EEF2K: variants seen among roughly 807,000 people sequenced by gnomAD.
EEF2K encodes the protein alternative protein EEF2K.
EEF2K carries 70 observed loss-of-function variants against 93.8 expected under a neutral mutation model. The observed-to-expected ratio is 0.75, with a 90% CI of 0.62 to 0.91. The LOEUF (loss-of-function observed/expected upper bound fraction) is 0.91. Among genes scored for constraint, EEF2K ranks in the 40% least tolerant of loss-of-function variants. EEF2K has a pLI of 0.00. For missense variants in EEF2K, 935 were observed against 972.9 expected, an observed-to-expected ratio of 0.96 and a Z score of 0.52; for synonymous variants, 376 against 380.8, an observed-to-expected ratio of 0.99 and a Z score of 0.15.
intron 16 of EEF2K, among the ~76,000 whole-genome samples, chr16:22,275,143 A>G (rs1362527013): frequency 1.3e-5 from 2 of 152,128 alleles, no homozygotes; most frequent in Non-Finnish European, 2.9e-5. Context: ...GAAGCACATC[A>G]TGCATGGGGC....
At chr16:22,224,672 T>A (rs1202830680) in intron 1 of EEF2K, among the ~76,000 whole-genome samples, 1 of 139,152 alleles carries the variant, frequency 7.2e-6, no homozygotes, top group African/African-American at 2.7e-5. Context: ...AAGAAAAAAG[T>A]CCGGATGTGG....
rs1297860507 is a variant in EEF2K, at chr16:22,257,703, T to C, written c.962T>C (p.Met321Thr). 6 of 1,614,042 alleles carry C rather than the reference T, an allele frequency of 3.7e-6. No individual in the cohort carries two copies. Among genetic ancestry groups the C allele is most frequent in the South Asian group, 2.2e-5 (2 of 91,090 alleles). Residue 321 changes from methionine to threonine, a missense_variant, in exon 9 of 18, where the codon ATG becomes ACG. Transcript: ENST00000263026. ...SHACNRICES[M>T]GLAPFDLSPR... is the part of the protein sequence containing the mutation. Reference sequence around the variant, plus strand: ...GCCTGCAACCGGATTTGCGAGAGCATGGGCCTTGCTCCCTTTGACCTCTCG... The same window carrying C: ...GCCTGCAACCGGATTTGCGAGAGCACGGGCCTTGCTCCCTTTGACCTCTCG...
At chr16:22,239,232 T>C (rs2047197565) in intron 2 of EEF2K, among the ~76,000 whole-genome samples, 1 of 152,344 alleles carries the variant, frequency 6.6e-6, no homozygotes, top group South Asian at 2.1e-4. Context: ...CCTCCCTGTT[T>C]TGTGGTTGGT....
intron 2 of EEF2K, among the ~76,000 whole-genome samples, chr16:22,241,831 T>TA (rs1323525060): frequency 5.3e-5 from 8 of 151,724 alleles, no homozygotes; most frequent in East Asian, 3.9e-4. Context: ...TCTGCAGAGG[T>TA]AAAAAAGCCC....
intron 1 of EEF2K, among the ~76,000 whole-genome samples, chr16:22,222,917 A>G (rs2047028639): frequency 6.6e-6 from 1 of 151,974 alleles, no homozygotes; most frequent in African/African-American, 2.4e-5. Flanking sequence ...TGGTATATTC[A>G]TAGTCATATA....
At chr16:22,262,439 G>A (rs2047474930) in intron 11 of EEF2K, among the ~76,000 whole-genome samples, 1 of 152,124 alleles carries the variant, frequency 6.6e-6, no homozygotes, top group South Asian at 2.1e-4. Context: ...CAGCTCAAGA[G>A]GTAGAGGTTG....
chr16:22,238,659 GAAAAAAGGA>G (rs2047191980), intron 2 of EEF2K, among the ~76,000 whole-genome samples: 1 of 42,934 alleles, frequency 2.3e-5, no homozygotes, highest in African/African-American at 8.7e-5. Flanking sequence ...CAAAAAAAAA[GAAAAAAGGA>G]AAAAAAAAAA....
rs368899309 is a variant in EEF2K at position 22,286,956 on chromosome 16, G to C, written c.*2960G>C. On this transcript the variant is annotated 3_prime_UTR_variant, in exon 18 of 18. Transcript: ENST00000263026. ...GTCAGTTGCTGGTCTGTTGCTCTTCGGGGAGGGAGAGATGGCCTGGATACA... is the reference window on the plus strand; with the variant it reads ...GTCAGTTGCTGGTCTGTTGCTCTTCCGGGAGGGAGAGATGGCCTGGATACA... 2 of 152,244 alleles carry C rather than the reference G, an allele frequency of 1.3e-5. No homozygotes were observed. The highest frequency in any genetic ancestry group is 1.5e-5 in the Non-Finnish European group (1 of 68,076). 9.4% of individuals were successfully genotyped at this position (152,244 alleles called of 1,614,324 possible). A position where few individuals can be genotyped will look rare whatever the true frequency, so the allele number is the denominator to read the frequency against.
chr16:22,251,237 G>C lies in EEF2K; in HGVS notation c.533G>C (p.Arg178Pro), dbSNP rs191986675. The change falls in exon 6 of 18, where the codon CGG becomes CCG. Residue 178 changes from arginine to proline, a missense_variant. Physicochemically the swap from Arg to Pro is moderately radical, Grantham distance 103. Transcript: ENST00000263026. ...AAGCGCTACATCGAGCCCGTAGACC[G>C]GGATGTGTACTTTGAGGACGTGCGT... ...VAKRYIEPVD[R>P]DVYFEDVRLQ... The C allele has an allele frequency of 6.2e-7, 1 of 1,613,968 alleles. No individual in the cohort carries two copies. Among genetic ancestry groups the C allele is most frequent in the Admixed American group, 1.7e-5 (1 of 59,980 alleles).
rs541315937 is a variant in EEF2K, at chr16:22,246,606, A to G, written c.347+1876A>G. ...GCCAGGAAATGGAATCTAAAACAAA[A>G]TATATATTTACCATCACACAACCTG... On this transcript the variant is annotated intron_variant, in intron 3 of 17. Transcript: ENST00000263026. 2.6e-4 allele frequency among the ~76,000 whole-genome samples: 39 copies of G among 152,040 alleles called. No individual in the cohort carries two copies. The South Asian group carries it at 7.9e-3, about 31-fold the overall frequency.
intron 15 of EEF2K, among the ~76,000 whole-genome samples, chr16:22,270,902 ATCTC>A (rs139094066): frequency 1.1e-4 from 17 of 149,016 alleles, no homozygotes; most frequent in African/African-American, 2.5e-4. Context: ...TCTCTCTATA[ATCTC>A]TCTCTCTATA....
At chr16:22,235,167 T>C (rs2141658719) in intron 2 of EEF2K, among the ~76,000 whole-genome samples, 1 of 151,982 alleles carries the variant, frequency 6.6e-6, no homozygotes, top group East Asian at 2.0e-4. Context: ...TGAGCTGAGA[T>C]TGTACAACTG....
At chr16:22,266,275 G>A in intron 13 of EEF2K, 115 bp from the exon 14 acceptor site, 1 of 1,436,608 alleles carries the variant, frequency 7.0e-7, no homozygotes, top group Non-Finnish European at 9.3e-7. Context: ...GACATCGTGA[G>A]GGTTCACTCC....
intron 2 of EEF2K, among the ~76,000 whole-genome samples, chr16:22,231,155 C>T (rs1409856308): frequency 1.3e-5 from 2 of 151,920 alleles, no homozygotes; most frequent in African/African-American, 4.8e-5. Flanking sequence ...GTGGTGCAAT[C>T]TCGGCTCACT....
At chr16:22,260,575 G>C in intron 11 of EEF2K, 46 bp downstream of exon 11, 1 of 1,611,746 alleles carries the variant, frequency 6.2e-7, no homozygotes, top group Non-Finnish European at 8.5e-7. Context: ...CCCCAGCAGG[G>C]GTAGGAGTGG....
chr16:22,225,644 T>C lies in EEF2K; in HGVS notation c.-76-10T>C. 1.3e-6 allele frequency: 2 copies of C among 1,548,506 alleles called. No individual in the cohort carries two copies. The highest frequency in any genetic ancestry group is 2.5e-5 in the South Asian group (2 of 80,002). ...CAGCACCCACTCTCTGGCCCTTGCTTTCCTTGTAGGACCTTCGCCTCTGCA... is the reference window on the plus strand; with the variant it reads ...CAGCACCCACTCTCTGGCCCTTGCTCTCCTTGTAGGACCTTCGCCTCTGCA... On this transcript the variant is annotated splice_polypyrimidine_tract_variant and intron_variant, in intron 1 of 17. Coordinates refer to ENST00000263026, the MANE Select transcript of EEF2K (RefSeq NM_013302.5).
chr16:22,236,807 T>C (rs1321411369), intron 2 of EEF2K, among the ~76,000 whole-genome samples: 1 of 151,772 alleles, frequency 6.6e-6, no homozygotes, highest in Non-Finnish European at 1.5e-5. Context: ...CCTTTCCTGG[T>C]ATATAATTAT....
rs370520965 is a variant in EEF2K, at chr16:22,251,304, G to A, written c.600G>A (p.Arg200=). ...EAKLWGEEYN[R]HKPPKQVDIM... is the part of the protein sequence containing the mutation. ...AGCTCTGGGGGGAGGAGTATAATCG[G>A]CACAAGCCCCCCAAGCAGGTGCGTG... Residue 200 remains arginine (R), a synonymous_variant, in exon 6 of 18, where the codon CGG becomes CGA. Transcript: ENST00000263026. 3.1e-5 allele frequency: 50 copies of A among 1,613,912 alleles called. No individual in the cohort carries two copies. The highest frequency in any genetic ancestry group is 4.2e-5 in the Non-Finnish European group (49 of 1,179,974).
At chr16:22,236,779 T>G (rs1277140641) in intron 2 of EEF2K, among the ~76,000 whole-genome samples, 1 of 151,752 alleles carries the variant, frequency 6.6e-6, no homozygotes, top group Non-Finnish European at 1.5e-5. Context: ...TAGTAATCAT[T>G]ATTATTATTT....
Sources: gnomAD v4.1 joint callset for allele counts (sites outside exome capture counted in the v4.1 genomes callset) on GRCh38, gnomAD v4.1.1 for gene constraint, MANE v1.5 for transcripts, NCBI Gene and HGNC (gene_info 2026-07-23, HGNC 2026-07-21) for gene names.